The following KLHL29 variants were observed in gnomAD, a reference collection of about 807,000 sequenced individuals.
KLHL29 encodes the protein kelch-like protein 29.
A neutral mutation model predicts 80.4 loss-of-function variants in KLHL29; 21 were observed. That is an observed-to-expected ratio of 0.26 (90% CI 0.19 to 0.38). KLHL29 has a LOEUF of 0.38. Ranked by LOEUF, KLHL29 falls within the 10% of genes least tolerant of loss-of-function variation. The probability of loss-of-function intolerance (pLI) is 1.00; values close to 1 mark genes in which losing one functional copy is unlikely to be tolerated. For synonymous variants in KLHL29, 511 were observed against 526.8 expected, an observed-to-expected ratio of 0.97 and a Z score of 0.41; for missense variants, 867 against 1,223.9, an observed-to-expected ratio of 0.71 and a Z score of 4.35.
chr2:23,627,076 A>G (rs1258518126), intron 3 of KLHL29, among the ~76,000 whole-genome samples: 1 of 151,930 alleles, frequency 6.6e-6, no homozygotes, highest in Admixed American at 6.5e-5. Flanking sequence ...TGGGGAAGGG[A>G]AGTATCTATC....
At chr2:23,451,018 G>T (rs913509896) in intron 1 of KLHL29, among the ~76,000 whole-genome samples, 17 of 152,274 alleles carry the variant, frequency 1.1e-4, no homozygotes, top group African/African-American at 3.9e-4. Context: ...CTGGACAGTG[G>T]ATATCAATGG....
intron 2 of KLHL29, among the ~76,000 whole-genome samples, chr2:23,549,771 C>CGGAGATCCCCTCTGTCGG (rs533400409): frequency 1.7e-4 from 26 of 152,324 alleles, no homozygotes; most frequent in African/African-American, 5.8e-4. Flanking sequence ...GTCAAGGCCC[C>CGGAGATCCCCTCTGTCGG]GGAGATCCCC....
intron 2 of KLHL29, among the ~76,000 whole-genome samples, chr2:23,490,302 G>C (rs924196999): frequency 6.6e-6 from 1 of 152,138 alleles, no homozygotes; most frequent in Admixed American, 6.5e-5. Flanking sequence ...AAATCTGATT[G>C]GAAAGCAGTA....
intron 2 of KLHL29, among the ~76,000 whole-genome samples, chr2:23,522,191 C>T (rs1666125560): frequency 1.3e-5 from 2 of 152,054 alleles, no homozygotes; most frequent in Admixed American, 1.3e-4. Context: ...CTCTGTTGCC[C>T]AGGCTGGAGT....
In KLHL29 at chr2:23,700,554, C is replaced by G. The variant is rs963279797; in HGVS notation, c.2106-2632C>G. 2.0e-5 allele frequency among the ~76,000 whole-genome samples: 3 copies of G among 152,178 alleles called. No homozygotes were observed. The highest frequency in any genetic ancestry group is 4.4e-5 in the Non-Finnish European group (3 of 68,032). On this transcript the variant is annotated intron_variant, in intron 11 of 13. Coordinates refer to ENST00000486442, the MANE Select transcript of KLHL29 (RefSeq NM_052920.2). The surrounding 1 kb of genome is among the most constrained non-coding windows in gnomAD (Gnocchi z 4.6). The stretch of plus-strand genomic sequence containing the variant: ...ATCAGCCAAGTGGGAGGAGTGACAT[C>G]GCAGAAACCAGCAAACGCTACAAAC...
At chr2:23,587,064 A>G (rs1182142980) in intron 3 of KLHL29, among the ~76,000 whole-genome samples, 1 of 152,206 alleles carries the variant, frequency 6.6e-6, no homozygotes, top group Admixed American at 6.5e-5. Context: ...AAGCAAACCC[A>G]GAGTAGGAAG....
intron 1 of KLHL29, among the ~76,000 whole-genome samples, chr2:23,389,325 T>A (rs1666263299): frequency 6.6e-6 from 1 of 152,200 alleles, no homozygotes; most frequent in African/African-American, 2.4e-5. Flanking sequence ...ATCACAACCC[T>A]GTATATTTCA....
rs1490082776 is a variant in KLHL29, at chr2:23,696,038, C to T, written c.1829C>T (p.Pro610Leu). The change falls in exon 10 of 14, where the codon CCG (proline) becomes CTG (leucine). Residue 610 changes from proline to leucine, a missense_variant. Around this residue, in one of 2 missense-constraint regions of KLHL29, gnomAD observed 443 missense variants for 767.0 expected, o/e 0.58. Transcript: ENST00000486442. The surrounding 1 kb of genome is among the most constrained non-coding windows in gnomAD (Gnocchi z 5.5). ...RSLVAVTCWN[P>L]QNNKWYPLAS... ...CTGGTGGCCGTCACCTGCTGGAACC[C>T]GCAGAACAACAAGTGGTACCCCTTG... 9 of 1,551,748 alleles carry T rather than the reference C, an allele frequency of 5.8e-6. No homozygotes were observed. Among genetic ancestry groups the T allele is most frequent in the Admixed American group, 3.9e-5 (2 of 51,008 alleles).
In KLHL29 at chr2:23,696,120, C is replaced by T. The variant is rs1558446559; in HGVS notation, c.1911C>T (p.Asn637=). Residue 637 remains asparagine, a synonymous_variant, in exon 10 of 14, where the codon AAC becomes AAT. Transcript: ENST00000486442. This position sits in a 1 kb window ranked among gnomAD's most constrained non-coding sequence, Gnocchi z 5.5. The part of the protein sequence containing the change: ...EFFSVVSAGD[N]IYLSGGMESG... ...TCAGTGTAGTGAGTGCAGGGGACAA[C>T]ATCTACCTCTCAGGTGAGGCCCCCC... 1 of 1,551,530 alleles carries T rather than the reference C, an allele frequency of 6.4e-7. No homozygotes were observed. The highest frequency in any genetic ancestry group is 8.7e-7 in the Non-Finnish European group (1 of 1,146,850).
Position 23,495,938 on chromosome 2 carries a change from G to A in KLHL29, c.-46+20271G>A, listed in dbSNP as rs151001224. ...ACCAGCTGTTCTTCCCCCACTGCTTGTTTTTACTTACGAACCAAATCCTGG... is the reference window on the plus strand; with the variant it reads ...ACCAGCTGTTCTTCCCCCACTGCTTATTTTTACTTACGAACCAAATCCTGG... On this transcript the variant is annotated intron_variant, in intron 2 of 13. Transcript: ENST00000486442. 9.8e-5 allele frequency among the ~76,000 whole-genome samples: 15 copies of A among 152,362 alleles called. No homozygotes were observed. In the East Asian group the frequency reaches 2.9e-3, roughly 29 times the overall value.
chr2:23,475,793 C>T (rs184314942), intron 2 of KLHL29, 126 bp downstream of exon 2: 52 of 156,328 alleles, frequency 3.3e-4, no homozygotes, highest in African/African-American at 1.2e-3. Context: ...TCGCCCTCTT[C>T]CTCAGTGCGA....
intron 1 of KLHL29, among the ~76,000 whole-genome samples, chr2:23,386,667 T>A (rs1666190771): frequency 6.6e-6 from 1 of 152,030 alleles, no homozygotes; most frequent in Non-Finnish European, 1.5e-5. Flanking sequence ...CTCCGTGGCC[T>A]GGAGCGGGCT....
At chr2:23,557,330 G>A (rs557390047) in intron 2 of KLHL29, among the ~76,000 whole-genome samples, 30 of 152,174 alleles carry the variant, frequency 2.0e-4, no homozygotes, top group East Asian at 3.9e-4. Context: ...AGGGTAAACC[G>A]TGCAACTCCT....
chr2:23,417,204 C>G (rs1666998181), intron 1 of KLHL29, among the ~76,000 whole-genome samples: 1 of 152,098 alleles, frequency 6.6e-6, no homozygotes, highest in African/African-American at 2.4e-5. Flanking sequence ...TTGACAGCAA[C>G]CTTTTAACTC....
chr2:23,475,825 TC>T (rs1664626704), intron 2 of KLHL29, among the ~76,000 whole-genome samples, 158 bp downstream of exon 2: 1 of 152,230 alleles, frequency 6.6e-6, no homozygotes, highest in African/African-American at 2.4e-5. Context: ...GCGTGTGTGA[TC>T]AACTGGTACT....
At chr2:23,665,600 A>G (rs1023301717) in intron 5 of KLHL29, among the ~76,000 whole-genome samples, 4 of 152,198 alleles carry the variant, frequency 2.6e-5, no homozygotes, top group Non-Finnish European at 5.9e-5. Flanking sequence ...GATTTGGCTC[A>G]CGGTTCTGCA....
intron 1 of KLHL29, among the ~76,000 whole-genome samples, chr2:23,436,449 A>G (rs1663346143): frequency 6.6e-6 from 1 of 152,136 alleles, no homozygotes. Flanking sequence ...TGATAGCCAC[A>G]GACACCGCCT....
intron 4 of KLHL29, among the ~76,000 whole-genome samples, chr2:23,640,017 C>G (rs1003684529): frequency 1.3e-5 from 2 of 152,218 alleles, no homozygotes. Context: ...ATGCTTCCTT[C>G]AGCACCTCTG....
chr2:23,385,227 C>G lies in KLHL29; in HGVS notation c.-707C>G, dbSNP rs546556097. ...GCCAGAAGGGAGCATGGTCCCCGCG[C>G]CGCGGCCGCGCCAGCCCCCGCGCCG... On this transcript the variant is annotated 5_prime_UTR_variant, in exon 1 of 14. Coordinates refer to ENST00000486442, the MANE Select transcript of KLHL29 (RefSeq NM_052920.2). The G allele has an allele frequency of 7.2e-3, 1,080 of 149,034 alleles. 7 individuals are homozygous for G. The highest frequency in any genetic ancestry group is 0.02 in the Middle Eastern group (6 of 298). 9.2% of individuals were successfully genotyped at this position (149,034 alleles called of 1,614,324 possible).
Sources: allele counts gnomAD v4.1 joint callset (sites outside exome capture counted in the v4.1 genomes callset), GRCh38; gene constraint gnomAD v4.1.1; regional missense constraint gnomAD v4.1.1; non-coding constraint Gnocchi (gnomAD v3.1); transcripts MANE v1.5; gene names NCBI Gene and HGNC (gene_info 2026-07-23, HGNC 2026-07-21).